RBFOX1: variants seen among roughly 807,000 people sequenced by gnomAD.
RBFOX1 encodes the protein RNA binding protein fox-1 homolog 1.
A neutral mutation model predicts 57.7 loss-of-function variants in RBFOX1; 8 were observed. The observed-to-expected ratio is 0.14, with a 90% confidence interval of 0.08 to 0.25. The LOEUF is 0.25. RBFOX1 is among the 10% of genes least tolerant of loss of function. The pLI, the probability that RBFOX1 is intolerant of heterozygous loss-of-function variation, is 1.00. For synonymous variants in RBFOX1, 326 were observed against 222.4 expected, an observed-to-expected ratio of 1.47 and a Z score of -4.15; for missense variants, 611 against 548.5, an observed-to-expected ratio of 1.11 and a Z score of -1.14.
intron 1 of RBFOX1, among the ~76,000 whole-genome samples, chr16:5,418,167 T>C (rs946971774): frequency 6.6e-6 from 1 of 152,244 alleles, no homozygotes; most frequent in Non-Finnish European, 1.5e-5. Context: ...TTAAAACCTT[T>C]TCTTATGCCC....
intron 3 of RBFOX1, among the ~76,000 whole-genome samples, chr16:6,752,217 A>G (rs1390406372): frequency 6.6e-6 from 1 of 152,214 alleles, no homozygotes; most frequent in Admixed American, 6.5e-5. Flanking sequence ...ATCAGGCAAC[A>G]TTAAGATAGA....
At chr16:6,730,456 CTA>C (rs2068275934) in intron 3 of RBFOX1, among the ~76,000 whole-genome samples, 1 of 4,742 alleles carries the variant, frequency 2.1e-4, no homozygotes, top group African/African-American at 2.2e-4. Flanking sequence ...ATCAAATTAT[CTA>C]ATCTATCCAT....
intron 4 of RBFOX1, among the ~76,000 whole-genome samples, chr16:5,957,625 A>G (rs950948470): frequency 1.1e-4 from 17 of 152,324 alleles, no homozygotes; most frequent in African/African-American, 3.6e-4. Context: ...AATCACTTGC[A>G]TGATGATGGG....
At chr16:7,053,385 T>C (rs192106458) in intron 4 of RBFOX1, among the ~76,000 whole-genome samples, 3 of 152,202 alleles carry the variant, frequency 2.0e-5, no homozygotes, top group Non-Finnish European at 4.4e-5. Context: ...TTCTGAACTG[T>C]CTTACTGCTT....
chr16:6,642,821 T>G lies in RBFOX1; in HGVS notation c.-63-11782T>G, dbSNP rs1214270981. 3.9e-5 allele frequency among the ~76,000 whole-genome samples: 6 copies of G among 152,046 alleles called. No homozygotes were observed. In the South Asian group the frequency reaches 8.3e-4, roughly 21 times the overall value. ...ATATCCCCTTAGGCCCCCTGAAGAT[T>G]CCTCCAAATGTTTATAAAGTCAGCA... is the stretch of plus-strand genomic sequence containing the variant. On this transcript the variant is annotated intron_variant, in intron 2 of 15. Coordinates refer to ENST00000550418, the MANE Select transcript of RBFOX1 (RefSeq NM_018723.4).
At chr16:5,595,369 C>G (rs2047148288) in intron 2 of RBFOX1, among the ~76,000 whole-genome samples, 1 of 152,090 alleles carries the variant, frequency 6.6e-6, no homozygotes. Context: ...GATTCATGTC[C>G]CAGCTTTTGA....
At chr16:5,347,380 T>G (rs1324343923) in intron 1 of RBFOX1, among the ~76,000 whole-genome samples, 1 of 152,168 alleles carries the variant, frequency 6.6e-6, no homozygotes, top group Non-Finnish European at 1.5e-5. Context: ...CATACTTTGT[T>G]CTTCTGTGAA....
chr16:7,444,090 A>C (rs1271719837), intron 4 of RBFOX1, among the ~76,000 whole-genome samples: 4 of 152,240 alleles, frequency 2.6e-5, no homozygotes, highest in Non-Finnish European at 5.9e-5. Context: ...CACATGTGCA[A>C]AACTCTTGAT....
intron 1 of RBFOX1, among the ~76,000 whole-genome samples, chr16:5,332,190 T>G (rs1320112): frequency 1 from 152,266 of 152,280 alleles, 76,126 homozygotes; most frequent in Middle Eastern, 1. Context: ...TTATTGTTTC[T>G]TTTATTTAAC....
intron 3 of RBFOX1, among the ~76,000 whole-genome samples, chr16:5,754,730 C>T (rs1206246634): frequency 5.4e-5 from 2 of 36,736 alleles, no homozygotes; most frequent in Non-Finnish European, 1.1e-4. Flanking sequence ...CATCTCAATG[C>T]TTTACAAAGC....
At chr16:5,956,679 T>G (rs1236611888) in intron 4 of RBFOX1, among the ~76,000 whole-genome samples, 6 of 53,200 alleles carry the variant, frequency 1.1e-4, no homozygotes, top group Admixed American at 6.3e-4. Flanking sequence ...TATATATATA[T>G]TTTTTTTGAG....
At position 6,763,306 on chromosome 16, in the gene RBFOX1, T is replaced by C. The variant is rs1399880253; in HGVS notation, c.-16+108656T>C. Among the ~76,000 whole-genome samples, 4 of 143,660 alleles carry C rather than the reference T, an allele frequency of 2.8e-5. No individual in the cohort carries two copies. In the Admixed American group the frequency reaches 2.9e-4, roughly 10 times the overall value. 94.2% of individuals were successfully genotyped at this position (143,660 alleles called of 152,430 possible). On this transcript the variant is annotated intron_variant, in intron 3 of 15. Coordinates refer to ENST00000550418, the MANE Select transcript of RBFOX1 (RefSeq NM_018723.4). ...AGAAGCAAAGTCATTGGAAAAACCATTTACCAGTATAGGGTCAGGCTAGAC... is the reference window on the plus strand; with the variant it reads ...AGAAGCAAAGTCATTGGAAAAACCACTTACCAGTATAGGGTCAGGCTAGAC...
chr16:6,461,985 C>T (rs2153065860), intron 2 of RBFOX1, among the ~76,000 whole-genome samples: 1 of 152,250 alleles, frequency 6.6e-6, no homozygotes, highest in East Asian at 1.9e-4. Context: ...TCACACGATG[C>T]ATCTTTCTAG....
chr16:7,479,729 T>C (rs1296838373), intron 4 of RBFOX1, among the ~76,000 whole-genome samples: 2 of 152,090 alleles, frequency 1.3e-5, no homozygotes, highest in East Asian at 1.9e-4. Context: ...GGGGCAGGTG[T>C]AGGTGATTGG....
chr16:6,900,903 C>T (rs1237235345), intron 3 of RBFOX1, among the ~76,000 whole-genome samples: 1 of 152,132 alleles, frequency 6.6e-6, no homozygotes, highest in African/African-American at 2.4e-5. Flanking sequence ...CTGCTAGATC[C>T]CCAGCATTTT....
chr16:7,194,947 G>T lies in RBFOX1; in HGVS notation c.27+142849G>T, dbSNP rs531663892. Among the ~76,000 whole-genome samples, 221 of 133,640 alleles carry T rather than the reference G, an allele frequency of 1.7e-3. 3 individuals carry two copies. The highest frequency in any genetic ancestry group is 5.8e-3 in the African/African-American group (207 of 35,510). The allele number at this position is 133,640 out of a possible 152,430, so 87.7% of individuals were successfully genotyped here. A position where few individuals can be genotyped will look rare whatever the true frequency, so the allele number is the denominator to read the frequency against. On this transcript the variant is annotated intron_variant, in intron 4 of 15. Transcript: ENST00000550418. ...TGTTTCACAAAAAAAAAAAAAAAGT[G>T]AAGAATTCAAAGACAGCTGAATAAC...
At chr16:6,254,071 C>G (rs904014009) in intron 1 of RBFOX1, among the ~76,000 whole-genome samples, 2 of 152,144 alleles carry the variant, frequency 1.3e-5, no homozygotes, top group African/African-American at 4.8e-5. Flanking sequence ...GAAAGACAAA[C>G]TTACGATCAA....
chr16:5,696,765 A>G (rs2050858124), intron 3 of RBFOX1, among the ~76,000 whole-genome samples: 2 of 152,166 alleles, frequency 1.3e-5, no homozygotes, highest in South Asian at 4.1e-4. Flanking sequence ...ATGTCTTACC[A>G]TTTTTGAAGA....
chr16:6,052,412 T>C (rs11641907), intron 1 of RBFOX1, among the ~76,000 whole-genome samples: 50,436 of 152,048 alleles, frequency 0.33, 8,649 homozygotes, highest in Non-Finnish European at 0.38. Flanking sequence ...CCCTTGATTT[T>C]ATTTCTTTAA....
Sources: gnomAD v4.1 joint callset for allele counts (sites outside exome capture counted in the v4.1 genomes callset) on GRCh38, gnomAD v4.1.1 for gene constraint, MANE v1.5 for transcripts, NCBI Gene and HGNC (gene_info 2026-07-23, HGNC 2026-07-21) for gene names.